SDCCAG8: variants seen among roughly 807,000 people sequenced by gnomAD.
The protein encoded by SDCCAG8 is SHH signaling and ciliogenesis regulator SDCCAG8.
Under a neutral mutation model 101.8 loss-of-function variants are expected in SDCCAG8, and 74 were observed. The observed-to-expected ratio is 0.73, with a 90% CI of 0.60 to 0.88. SDCCAG8 has a LOEUF of 0.88. Among genes scored for constraint, SDCCAG8 ranks in the 40% least tolerant of loss-of-function variants. The probability of loss-of-function intolerance (pLI) is 0.00; values close to 1 mark genes in which losing one functional copy is unlikely to be tolerated. For synonymous variants in SDCCAG8, 281 were observed against 292.9 expected, an observed-to-expected ratio of 0.96 and a Z score of 0.41; for missense variants, 787 against 822.6, an observed-to-expected ratio of 0.96 and a Z score of 0.53.
chr1:243,308,229 CT>C, intron 8 of SDCCAG8, 52 bp downstream of exon 8: 1 of 1,564,828 alleles, frequency 6.4e-7, no homozygotes, highest in Non-Finnish European at 8.8e-7. Context: ...AAAATTCTGC[CT>C]TTAAAGGGGC....
At chr1:243,448,167 G>A (rs1044576621) in intron 16 of SDCCAG8, among the ~76,000 whole-genome samples, 13 of 152,214 alleles carry the variant, frequency 8.5e-5, no homozygotes, top group African/African-American at 3.1e-4. Flanking sequence ...AGCTTGAGGT[G>A]TGGTTCATCC....
chr1:243,361,391 T>G (rs2076702614), intron 12 of SDCCAG8, among the ~76,000 whole-genome samples: 1 of 152,244 alleles, frequency 6.6e-6, no homozygotes, highest in Non-Finnish European at 1.5e-5. Context: ...CAACCTTAGC[T>G]TCATAAAGTT....
chr1:243,326,967 G>GA (rs2074190619), intron 9 of SDCCAG8, among the ~76,000 whole-genome samples: 1 of 151,952 alleles, frequency 6.6e-6, no homozygotes. Context: ...AACTGTGTTT[G>GA]AAAAAAAGTG....
At chr1:243,482,767 A>G (rs1664004397) in intron 16 of SDCCAG8, among the ~76,000 whole-genome samples, 1 of 152,224 alleles carries the variant, frequency 6.6e-6, no homozygotes, top group African/African-American at 2.4e-5. Flanking sequence ...CCAGGGCTCC[A>G]TGACAGCACA....
chr1:243,319,604 C>A (rs2073574909), intron 9 of SDCCAG8, among the ~76,000 whole-genome samples: 1 of 151,900 alleles, frequency 6.6e-6, no homozygotes, highest in Non-Finnish European at 1.5e-5. Context: ...AACTCCTGAG[C>A]TCAGGTGATG....
chr1:243,394,937 A>G (rs978401572), intron 13 of SDCCAG8, among the ~76,000 whole-genome samples: 2 of 151,954 alleles, frequency 1.3e-5, no homozygotes, highest in Non-Finnish European at 2.9e-5. Context: ...TGTTTGAAAG[A>G]TAAGATAAGC....
chr1:243,363,774 G>A (rs1374746397), intron 12 of SDCCAG8, among the ~76,000 whole-genome samples: 2 of 152,144 alleles, frequency 1.3e-5, no homozygotes, highest in East Asian at 1.9e-4. Context: ...GTATGTGAAA[G>A]TGTTTTCTAA....
At chr1:243,484,580 A>G (rs2148241542) in intron 16 of SDCCAG8, among the ~76,000 whole-genome samples, 1 of 152,314 alleles carries the variant, frequency 6.6e-6, no homozygotes, top group East Asian at 1.9e-4. Flanking sequence ...AAGCCCTCCC[A>G]GGCTTCTCAT....
intron 16 of SDCCAG8, among the ~76,000 whole-genome samples, chr1:243,456,255 C>G (rs937312426): frequency 6.6e-6 from 1 of 152,158 alleles, no homozygotes; most frequent in Non-Finnish European, 1.5e-5. Context: ...GGGTTCTGCT[C>G]TCATCCTTGA....
Position 243,271,032 on chromosome 1 carries a change from C to T in SDCCAG8, c.275C>T (p.Ser92Phe). 1 of 1,613,290 alleles carries T rather than the reference C, an allele frequency of 6.2e-7. No individual in the cohort carries two copies. The highest frequency in any genetic ancestry group is 8.5e-7 in the Non-Finnish European group (1 of 1,179,428). The change falls in exon 3 of 18, where the codon TCT becomes TTT. Residue 92 changes from serine (S) to phenylalanine (F), a missense_variant. Transcript: ENST00000366541. ...RQQADKESEVSPSRRRKMSPL... is the reference protein window; with the variant it reads ...RQQADKESEVFPSRRRKMSPL... The stretch of plus-strand genomic sequence containing the variant: ...CAAGCAGATAAGGAAAGTGAAGTAT[C>T]TCCGTCAAGAAGAAGAAAAATGTCC...
At chr1:243,310,469 CAAG>C (rs2072615892) in intron 8 of SDCCAG8, among the ~76,000 whole-genome samples, 1 of 151,942 alleles carries the variant, frequency 6.6e-6, no homozygotes, top group Non-Finnish European at 1.5e-5. Flanking sequence ...ATTTGAAAAA[CAAG>C]AACAGAGCTG....
chr1:243,417,947 G>A, intron 14 of SDCCAG8, 21 bp from the exon 15 acceptor site: 1 of 1,523,854 alleles, frequency 6.6e-7, no homozygotes, highest in Non-Finnish European at 9.1e-7. Flanking sequence ...TATGTTGGTG[G>A]GGGTTTATTG....
rs757074150 is a variant in SDCCAG8 at position 243,271,090 on chromosome 1, A to G, written c.306+27A>G. ...TAAGTATCAACTTTTCCAAGTTGAC[A>G]AAGCATTCCTGTGTTTTACTGTATT... On this transcript the variant is annotated intron_variant, in intron 3 of 17. Transcript: ENST00000366541. 4.0e-6 allele frequency: 6 copies of G among 1,484,178 alleles called. No homozygotes were observed. The East Asian group carries it at 1.4e-4, about 34-fold the overall frequency. The allele number at this position is 1,484,178 out of a possible 1,614,324, so 91.9% of individuals were successfully genotyped here.
At chr1:243,292,436 A>G (rs946644835) in intron 5 of SDCCAG8, among the ~76,000 whole-genome samples, 1 of 152,196 alleles carries the variant, frequency 6.6e-6, no homozygotes, top group Non-Finnish European at 1.5e-5. Context: ...CCTATCACCC[A>G]TGTCACTCAG....
chr1:243,265,230 C>T (rs1033119565), intron 1 of SDCCAG8, among the ~76,000 whole-genome samples: 5 of 152,140 alleles, frequency 3.3e-5, no homozygotes, highest in African/African-American at 9.7e-5. Flanking sequence ...TGAAATGTAG[C>T]GTTGAAATGA....
At chr1:243,309,052 C>G (rs757735151) in intron 8 of SDCCAG8, among the ~76,000 whole-genome samples, 4 of 152,172 alleles carry the variant, frequency 2.6e-5, no homozygotes, top group Non-Finnish European at 4.4e-5. Flanking sequence ...ACCGATTTTG[C>G]TCCATGTCCT....
intron 10 of SDCCAG8, among the ~76,000 whole-genome samples, chr1:243,336,528 C>T (rs972111565): frequency 1.8e-4 from 28 of 152,156 alleles, no homozygotes; most frequent in Admixed American, 1.2e-3. Context: ...GGAAGGGAAG[C>T]AGGCATGTCT....
intron 13 of SDCCAG8, 127 bp from the exon 14 acceptor site, chr1:243,415,575 G>A: frequency 7.5e-7 from 1 of 1,334,822 alleles, no homozygotes. Context: ...AGGGTCATTA[G>A]AAAGGTCCTT....
At chr1:243,480,557 A>G (rs1411787077) in intron 16 of SDCCAG8, among the ~76,000 whole-genome samples, 2 of 2,260 alleles carry the variant, frequency 8.8e-4, no homozygotes, top group African/African-American at 1.2e-3. Context: ...GGATGGATGG[A>G]TAGGTGGGAT....
Sources: allele counts gnomAD v4.1 joint callset (sites outside exome capture counted in the v4.1 genomes callset), GRCh38; gene constraint gnomAD v4.1.1; transcripts MANE v1.5; gene names NCBI Gene and HGNC (gene_info 2026-07-23, HGNC 2026-07-21).